ASPRV1: variants seen among roughly 807,000 people sequenced by gnomAD.
The protein encoded by ASPRV1 is aspartic peptidase retroviral like 1.
A neutral mutation model predicts 11.0 loss-of-function variants in ASPRV1; 7 were observed. That is an observed-to-expected ratio of 0.64 (90% CI 0.36 to 1.20). The LOEUF is 1.20. Among genes scored for constraint, ASPRV1 ranks in the 50% most tolerant of loss-of-function variants. The pLI, the probability that ASPRV1 is intolerant of heterozygous loss-of-function variation, is 0.02. For synonymous variants in ASPRV1, 136 were observed against 138.4 expected (o/e 0.98, Z 0.12); for missense variants, 299 against 320.0 (o/e 0.93, Z 0.50).
the ASPRV1 span, among the ~76,000 whole-genome samples, chr2:70,066,759 C>T: frequency 2.3e-3 from 353 of 152,088 alleles, 1 homozygote; most frequent in Middle Eastern, 0.01. Flanking sequence ...CAGCACCACA[C>T]TTGGCTAATT....
the ASPRV1 span, chr2:69,939,472 CAG>C: frequency 6.6e-6 from 1 of 152,572 alleles, no homozygotes; most frequent in Non-Finnish European, 1.5e-5. Flanking sequence ...TAAGCTAAAA[CAG>C]AGCACATGTA....
the ASPRV1 span, among the ~76,000 whole-genome samples, chr2:69,980,369 C>T: frequency 2.6e-5 from 4 of 152,208 alleles, no homozygotes; most frequent in Non-Finnish European, 5.9e-5. Flanking sequence ...GTTATTATTG[C>T]TATTTCTCTT....
At chr2:69,977,387 G>C in the ASPRV1 span, among the ~76,000 whole-genome samples, 1 of 152,130 alleles carries the variant, frequency 6.6e-6, no homozygotes, top group African/African-American at 2.4e-5. Flanking sequence ...TCAGGGTTCC[G>C]TCATTGTTTT....
chr2:69,997,276 T>G, the ASPRV1 span, among the ~76,000 whole-genome samples: 1 of 151,762 alleles, frequency 6.6e-6, no homozygotes, highest in African/African-American at 2.4e-5. Flanking sequence ...TTTTACTCAA[T>G]GACCAAGCCC....
At chr2:70,085,653 GA>G in the ASPRV1 span, 3 of 149,744 alleles carry the variant, frequency 2.0e-5, no homozygotes, top group African/African-American at 5.0e-5. Flanking sequence ...GAGAGAGAGA[GA>G]TAAGAACACC....
chr2:70,054,903 C>T, the ASPRV1 span, among the ~76,000 whole-genome samples: 1 of 152,078 alleles, frequency 6.6e-6, no homozygotes, highest in African/African-American at 2.4e-5. Flanking sequence ...ATTATTTAAC[C>T]ACCCCTTAAA....
At chr2:70,059,025 C>A in the ASPRV1 span, among the ~76,000 whole-genome samples, 1 of 147,796 alleles carries the variant, frequency 6.8e-6, no homozygotes, top group Admixed American at 6.8e-5. Context: ...GTAGCTGGGA[C>A]TACAGGCGCC....
At chr2:70,056,164 A>T in the ASPRV1 span, 1 of 152,188 alleles carries the variant, frequency 6.6e-6, no homozygotes, top group Non-Finnish European at 1.5e-5. Context: ...CAGAAAGTAG[A>T]ATGGTGGTAC....
the ASPRV1 span, among the ~76,000 whole-genome samples, chr2:69,987,739 C>T: frequency 6.6e-6 from 1 of 152,048 alleles, no homozygotes; most frequent in African/African-American, 2.4e-5. Context: ...CACAGTGAAA[C>T]CCTGTTTCAA....
chr2:69,978,270 C>G, the ASPRV1 span, among the ~76,000 whole-genome samples: 3 of 152,180 alleles, frequency 2.0e-5, no homozygotes, highest in Non-Finnish European at 4.4e-5. Context: ...CTCCAAGCCT[C>G]CAGGGGAGTC....
the ASPRV1 span, chr2:69,997,846 CG>C: frequency 6.6e-6 from 1 of 152,252 alleles, no homozygotes; most frequent in African/African-American, 2.4e-5. Flanking sequence ...ACCACGGTTA[CG>C]GCCGCCTCTT....
upstream of ASPRV1, chr2:69,963,620 G>A (rs139723913): frequency 4.9e-5 from 18 of 365,358 alleles, no homozygotes; most frequent in Non-Finnish European, 8.7e-5. Flanking sequence ...AAACCATAGT[G>A]GTAGATGTTG....
rs1204944160 is a variant in ASPRV1 at position 69,960,697 on chromosome 2, T to A, written c.740A>T (p.Asp247Val). 1 of 1,613,208 alleles carries A rather than the reference T, an allele frequency of 6.2e-7. No homozygotes were observed. The highest frequency in any genetic ancestry group is 8.5e-7 in the Non-Finnish European group (1 of 1,179,826). Reference sequence around the variant, plus strand: ...CTGCCGCCCTTCTTCTGAGGAGGGGTCCTCCTCTATGAGCTCCAGGTCAAA... The same window carrying A: ...CTGCCGCCCTTCTTCTGAGGAGGGGACCTCCTCTATGAGCTCCAGGTCAAA... ...DEFDLELIEE[D>V]PSSEEGRQEL... Residue 247 changes from aspartate (D) to valine (V), a missense_variant, in exon 1 of 1, where the codon GAC (aspartate) becomes GTC (valine). Transcript: ENST00000320256.
chr2:70,024,535 G>T, the ASPRV1 span, among the ~76,000 whole-genome samples: 1 of 152,158 alleles, frequency 6.6e-6, no homozygotes, highest in Non-Finnish European at 1.5e-5. Flanking sequence ...TCCCCAAGGG[G>T]CAGCACCCCT....
the ASPRV1 span, among the ~76,000 whole-genome samples, chr2:70,071,389 G>A: frequency 6.6e-6 from 1 of 152,180 alleles, no homozygotes; most frequent in Non-Finnish European, 1.5e-5. Context: ...GTCTTCAAAG[G>A]TTCATGAGTT....
chr2:69,941,559 C>T, the ASPRV1 span: 1 of 152,134 alleles, frequency 6.6e-6, no homozygotes, highest in Non-Finnish European at 1.5e-5. Context: ...TGCAGTTGGC[C>T]ACTTGAGTGT....
the ASPRV1 span, among the ~76,000 whole-genome samples, chr2:70,072,107 A>C: frequency 6.6e-6 from 1 of 152,044 alleles, no homozygotes. Flanking sequence ...GTGAACCACC[A>C]TGCCCAGCTA....
At chr2:69,943,054 T>C in the ASPRV1 span, 1 of 152,236 alleles carries the variant, frequency 6.6e-6, no homozygotes, top group Non-Finnish European at 1.5e-5. Flanking sequence ...GAAACTTCAC[T>C]AGCTAAAAGT....
chr2:70,085,112 G>A, the ASPRV1 span, among the ~76,000 whole-genome samples: 1 of 152,332 alleles, frequency 6.6e-6, no homozygotes, highest in South Asian at 2.1e-4. Context: ...AGAAATGGAG[G>A]CTTGGTGCCA....
Sources: gnomAD v4.1 joint callset for allele counts (sites outside exome capture counted in the v4.1 genomes callset) on GRCh38, gnomAD v4.1.1 for gene constraint, MANE v1.5 for transcripts, NCBI Gene and HGNC (gene_info 2026-07-23, HGNC 2026-07-21) for gene names.